Variants in C1QTNF3 observed in about 807,000 individuals in gnomAD.
The protein encoded by C1QTNF3 is C1q and TNF related 3.
A neutral mutation model predicts 32.6 loss-of-function variants in C1QTNF3; 26 were observed. The ratio of observed to expected loss-of-function variants is 0.80; its 90% CI spans 0.58 to 1.11. C1QTNF3 has a LOEUF of 1.11. C1QTNF3 is among the 50% of genes least tolerant of loss of function. C1QTNF3 has a pLI of 0.00. For missense variants in C1QTNF3, 362 were observed against 398.2 expected, an observed-to-expected ratio of 0.91 and a Z score of 0.77; for synonymous variants, 155 against 146.0, an observed-to-expected ratio of 1.06 and a Z score of -0.44.
the C1QTNF3 span, among the ~76,000 whole-genome samples, chr5:34,050,732 G>A: frequency 6.6e-6 from 1 of 152,152 alleles, no homozygotes; most frequent in African/African-American, 2.4e-5. Flanking sequence ...TAATGGCACA[G>A]GGATCCATCA....
At chr5:34,183,322 ATTTTC>A in the C1QTNF3 span, among the ~76,000 whole-genome samples, 4 of 129,414 alleles carry the variant, frequency 3.1e-5, no homozygotes, top group South Asian at 2.4e-4. Flanking sequence ...TAATTTTTTA[ATTTTC>A]TTTTTTTTTT....
chr5:34,159,743 C>T, the C1QTNF3 span, among the ~76,000 whole-genome samples: 1 of 151,446 alleles, frequency 6.6e-6, no homozygotes. Flanking sequence ...GAATTTGTCC[C>T]TGTACTACTC....
Position 34,043,178 on chromosome 5 carries a change from G to C in C1QTNF3, c.-53C>G. On this transcript the variant is annotated 5_prime_UTR_variant, in exon 1 of 6. Transcript: ENST00000382065. ...CTGAGAAGACAGCAGAGCTCCAGGAGCGTGGTCTCCTCGGGCAGATGCCAG... is the reference window on the plus strand; with the variant it reads ...CTGAGAAGACAGCAGAGCTCCAGGACCGTGGTCTCCTCGGGCAGATGCCAG... The C allele has an allele frequency of 6.4e-7, 1 of 1,557,258 alleles. No individual in the cohort carries two copies. The highest frequency in any genetic ancestry group is 1.2e-5 in the South Asian group (1 of 83,030).
At chr5:34,063,559 G>C in the C1QTNF3 span, among the ~76,000 whole-genome samples, 1 of 152,130 alleles carries the variant, frequency 6.6e-6, no homozygotes, top group South Asian at 2.1e-4. Context: ...TGGGGGAGGA[G>C]AGCATCTTAC....
the C1QTNF3 span, among the ~76,000 whole-genome samples, chr5:34,214,800 TAAAG>T: frequency 1.2e-4 from 19 of 152,294 alleles, no homozygotes; most frequent in Admixed American, 5.9e-4. Flanking sequence ...CATTATAACT[TAAAG>T]AGATATTATC....
chr5:34,166,223 A>G, the C1QTNF3 span: 1 of 152,134 alleles, frequency 6.6e-6, no homozygotes, highest in Admixed American at 6.6e-5. Flanking sequence ...TACAAACATA[A>G]AAGGTATGTC....
chr5:34,220,987 G>A, the C1QTNF3 span, among the ~76,000 whole-genome samples: 5 of 152,224 alleles, frequency 3.3e-5, no homozygotes, highest in Middle Eastern at 0.01. Context: ...TTACAGCTGA[G>A]GCAAACTTTG....
the C1QTNF3 span, chr5:34,124,199 T>C: frequency 4.7e-6 from 2 of 427,502 alleles, no homozygotes; most frequent in Admixed American, 7.8e-5. Flanking sequence ...TATTAATTAG[T>C]TTATTTTTGA....
chr5:34,215,279 G>C, the C1QTNF3 span, among the ~76,000 whole-genome samples: 1 of 152,024 alleles, frequency 6.6e-6, no homozygotes, highest in Non-Finnish European at 1.5e-5. Context: ...GTAAGCCTGG[G>C]CTAGGGGAGC....
the C1QTNF3 span, among the ~76,000 whole-genome samples, chr5:34,153,871 AAAAAC>A: frequency 2.0e-5 from 3 of 150,402 alleles, no homozygotes; most frequent in East Asian, 1.9e-4. Flanking sequence ...AAAAAAAAAA[AAAAAC>A]AAAAGCAAAA....
the C1QTNF3 span, among the ~76,000 whole-genome samples, chr5:34,214,399 C>T: frequency 6.6e-6 from 1 of 151,578 alleles, no homozygotes; most frequent in East Asian, 1.9e-4. Flanking sequence ...ATTTAAAGTT[C>T]TTCTAAACTG....
chr5:34,043,192 G>T lies in C1QTNF3; in HGVS notation c.-67C>A. The T allele has an allele frequency of 6.6e-7, 1 of 1,511,962 alleles. No homozygotes were observed. The highest frequency in any genetic ancestry group is 8.9e-7 in the Non-Finnish European group (1 of 1,123,376). 93.7% of individuals were successfully genotyped at this position (1,511,962 alleles called of 1,614,324 possible). On this transcript the variant is annotated 5_prime_UTR_variant, in exon 1 of 6. Coordinates refer to ENST00000382065, the MANE Select transcript of C1QTNF3 (RefSeq NM_181435.6). ...GAGCTCCAGGAGCGTGGTCTCCTCG[G>T]GCAGATGCCAGGACTGGAGCTGAGA...
In C1QTNF3 at chr5:34,039,253, C is replaced by A. The variant is rs115377629; in HGVS notation, c.304-3495G>T. On this transcript the variant is annotated intron_variant, in intron 1 of 5. Transcript: ENST00000382065. ...ATCAAGGGAGAAGTAACGCAAGACC[C>A]CAGAAGTATGCCAACGTAAAAAAAC... Among the ~76,000 whole-genome samples the A allele has an allele frequency of 8.5e-3, 1,291 of 152,238 alleles. 17 individuals are homozygous for A. The highest frequency in any genetic ancestry group is 0.03 in the African/African-American group (1,252 of 41,540).
chr5:34,080,806 C>T, the C1QTNF3 span, among the ~76,000 whole-genome samples: 1 of 151,772 alleles, frequency 6.6e-6, no homozygotes, highest in African/African-American at 2.4e-5. Context: ...CATGTCCACA[C>T]ACTTGGAGCT....
At position 34,024,241 on chromosome 5, in the gene C1QTNF3, A is replaced by C. The variant is rs1368701665; in HGVS notation, c.701-233T>G. ...ATAAGACTTAAAAGTCTTTAAGGGA[A>C]GGAGCCTACCTCATTTTAACTGTAT... On this transcript the variant is annotated intron_variant, in intron 4 of 5. Coordinates refer to ENST00000382065, the MANE Select transcript of C1QTNF3 (RefSeq NM_181435.6). The C allele has an allele frequency of 5.2e-5, 23 of 441,844 alleles. No individual in the cohort carries two copies. The East Asian group carries it at 8.7e-4, about 17-fold the overall frequency. 27.4% of individuals were successfully genotyped at this position (441,844 alleles called of 1,614,324 possible).
At chr5:34,133,701 C>G in the C1QTNF3 span, among the ~76,000 whole-genome samples, 1 of 152,132 alleles carries the variant, frequency 6.6e-6, no homozygotes, top group African/African-American at 2.4e-5. Flanking sequence ...ATCAATTCTA[C>G]CATCATAGCA....
chr5:34,065,838 G>A, the C1QTNF3 span, among the ~76,000 whole-genome samples: 1 of 152,166 alleles, frequency 6.6e-6, no homozygotes, highest in Non-Finnish European at 1.5e-5. Flanking sequence ...CCATTACTGA[G>A]TATGGAAAAC....
At chr5:34,116,591 T>A in the C1QTNF3 span, among the ~76,000 whole-genome samples, 1 of 142,316 alleles carries the variant, frequency 7.0e-6, no homozygotes. Flanking sequence ...CAACATTTTT[T>A]AAAATTTTAT....
chr5:34,194,939 A>T, the C1QTNF3 span, among the ~76,000 whole-genome samples: 1 of 148,190 alleles, frequency 6.7e-6, no homozygotes, highest in African/African-American at 2.6e-5. Flanking sequence ...ACAAGAAAAA[A>T]GTCTTTACAT....
Sources: allele counts gnomAD v4.1 joint callset (sites outside exome capture counted in the v4.1 genomes callset), GRCh38; gene constraint gnomAD v4.1.1; transcripts MANE v1.5; gene names NCBI Gene and HGNC (gene_info 2026-07-23, HGNC 2026-07-21).